The following TMEM132D variants were observed in gnomAD, a reference collection of about 807,000 sequenced individuals.
TMEM132D encodes mature OL transmembrane protein.
TMEM132D carries 21 observed loss-of-function variants against 62.3 expected under a neutral mutation model. The observed-to-expected ratio is 0.34, with a 90% CI of 0.24 to 0.49. The LOEUF is 0.49. Among genes scored for constraint, TMEM132D ranks in the 20% least tolerant of loss-of-function variants. The probability of loss-of-function intolerance (pLI) is 0.99; values close to 1 mark genes in which losing one functional copy is unlikely to be tolerated. For synonymous variants in TMEM132D, 621 were observed against 575.6 expected, an observed-to-expected ratio of 1.08 and a Z score of -1.13; for missense variants, 1,346 against 1,402.8, an observed-to-expected ratio of 0.96 and a Z score of 0.65.
chr12:129,458,099 A>G (rs1232216970), intron 3 of TMEM132D, among the ~76,000 whole-genome samples: 1 of 152,154 alleles, frequency 6.6e-6, no homozygotes, highest in Non-Finnish European at 1.5e-5. Context: ...GACACAAAGG[A>G]GACAGCTCCT....
At chr12:129,604,226 TA>T (rs1362671472) in intron 2 of TMEM132D, among the ~76,000 whole-genome samples, 1 of 152,022 alleles carries the variant, frequency 6.6e-6, no homozygotes, top group Non-Finnish European at 1.5e-5. Context: ...ACGTGAGGCT[TA>T]AAACCCAGAT....
intron 1 of TMEM132D, among the ~76,000 whole-genome samples, chr12:129,829,807 C>T (rs568740956): frequency 1.9e-4 from 29 of 152,212 alleles, no homozygotes; most frequent in Admixed American, 1.8e-3. Flanking sequence ...AAAGCCAAGA[C>T]AGCAAAAAAT....
chr12:129,543,856 T>C (rs989227135), intron 2 of TMEM132D, among the ~76,000 whole-genome samples: 6 of 152,260 alleles, frequency 3.9e-5, no homozygotes, highest in African/African-American at 1.4e-4. Flanking sequence ...CATTGTGTGC[T>C]AGTATCTGAG....
intron 3 of TMEM132D, among the ~76,000 whole-genome samples, chr12:129,432,167 A>ATGGT (rs1872674396): frequency 7.5e-6 from 1 of 132,586 alleles, no homozygotes; most frequent in Admixed American, 7.3e-5. Context: ...GCTTGGATGG[A>ATGGT]TGGATGGATG....
intron 4 of TMEM132D, among the ~76,000 whole-genome samples, chr12:129,229,408 C>T (rs1425891432): frequency 6.6e-6 from 1 of 152,168 alleles, no homozygotes; most frequent in Non-Finnish European, 1.5e-5. Flanking sequence ...CCATGAAACC[C>T]AGCATGAATA....
At chr12:129,853,841 A>G (rs931887420) in intron 1 of TMEM132D, 3 of 152,134 alleles carry the variant, frequency 2.0e-5, no homozygotes, top group Admixed American at 6.5e-5. Flanking sequence ...GGTTTGACTC[A>G]TAAGTTTACT....
intron 5 of TMEM132D, among the ~76,000 whole-genome samples, chr12:129,096,476 G>C (rs764869418): frequency 3.9e-5 from 6 of 152,132 alleles, no homozygotes; most frequent in Non-Finnish European, 7.4e-5. Flanking sequence ...GCAAAGACTG[G>C]GTGTTCAGGG....
chr12:129,787,694 A>G (rs1472922422), intron 1 of TMEM132D, among the ~76,000 whole-genome samples: 1 of 152,188 alleles, frequency 6.6e-6, no homozygotes, highest in Non-Finnish European at 1.5e-5. Context: ...TCCCTCCCAA[A>G]ATTTCATCAA....
intron 2 of TMEM132D, among the ~76,000 whole-genome samples, chr12:129,577,462 C>A (rs564426790): frequency 6.7e-6 from 1 of 149,344 alleles, no homozygotes; most frequent in Admixed American, 6.7e-5. Flanking sequence ...TAGAAATATT[C>A]AACACTGCAT....
chr12:129,332,452 G>A (rs117717650), intron 4 of TMEM132D, among the ~76,000 whole-genome samples: 3,169 of 152,250 alleles, frequency 0.021, 52 homozygotes, highest in Non-Finnish European at 0.031. Context: ...AGCTTTCCTG[G>A]AGATGAAATT....
intron 3 of TMEM132D, among the ~76,000 whole-genome samples, chr12:129,456,271 C>A (rs917645558): frequency 3.9e-5 from 6 of 152,054 alleles, no homozygotes; most frequent in Admixed American, 1.3e-4. Flanking sequence ...GAGCACAGTG[C>A]CAGGTACAGG....
At chr12:129,652,036 A>C (rs1401224080) in intron 2 of TMEM132D, among the ~76,000 whole-genome samples, 5 of 152,224 alleles carry the variant, frequency 3.3e-5, no homozygotes, top group Admixed American at 3.3e-4. Flanking sequence ...ACCTGTGAGA[A>C]CTAAAGCGAG....
chr12:129,862,766 T>C (rs1439716952), intron 1 of TMEM132D, among the ~76,000 whole-genome samples: 3 of 152,132 alleles, frequency 2.0e-5, no homozygotes, highest in African/African-American at 7.2e-5. Flanking sequence ...ACCCCCATGT[T>C]GGATAAAACC....
chr12:129,837,666 A>G (rs1000932804), intron 1 of TMEM132D, among the ~76,000 whole-genome samples: 1 of 152,196 alleles, frequency 6.6e-6, no homozygotes, highest in African/African-American at 2.4e-5. Context: ...GCTTGCTTTC[A>G]ATGTCTTCGA....
intron 1 of TMEM132D, among the ~76,000 whole-genome samples, chr12:129,796,667 G>A (rs10773708): frequency 0.57 from 86,617 of 151,948 alleles, 26,813 homozygotes; most frequent in Non-Finnish European, 0.71. Context: ...CTCATAAGGG[G>A]GAGTTCAACA....
chr12:129,530,988 A>AC, intron 3 of TMEM132D, 71 bp downstream of exon 3: 1 of 1,159,482 alleles, frequency 8.6e-7, no homozygotes, highest in Admixed American at 2.7e-5. Flanking sequence ...TTAGCAATCT[A>AC]GGAAAAAAAA....
Position 129,385,640 on chromosome 12 carries a change from ATCT to A in TMEM132D, c.1116-47826_1116-47824del, listed in dbSNP as rs150505929. ...AGAATTAGTTGAAAACACATATCAG[ATCT>A]TCTGTGTTCTGACAAGAGAGTAAGG... is the stretch of plus-strand genomic sequence containing the variant. On this transcript the variant is annotated intron_variant, in intron 3 of 8. Coordinates refer to ENST00000422113, the MANE Select transcript of TMEM132D (RefSeq NM_133448.3). Among the ~76,000 whole-genome samples, 514 of 152,302 alleles carry A rather than the reference ATCT, an allele frequency of 3.4e-3. 3 individuals are homozygous for A. Among genetic ancestry groups the A allele is most frequent in the African/African-American group, 0.012 (498 of 41,544 alleles).
chr12:129,702,164 C>A (rs1419613824), intron 1 of TMEM132D, among the ~76,000 whole-genome samples: 2 of 152,198 alleles, frequency 1.3e-5, no homozygotes, highest in Non-Finnish European at 2.9e-5. Context: ...ATGAAAAAAT[C>A]TCTCCAATCA....
intron 2 of TMEM132D, among the ~76,000 whole-genome samples, chr12:129,685,468 T>C (rs1156719821): frequency 2.0e-5 from 3 of 152,208 alleles, no homozygotes; most frequent in Admixed American, 6.5e-5. Flanking sequence ...AAGTCAAGAA[T>C]TGAGGTTTGG....
Sources: gnomAD v4.1 joint callset for allele counts (sites outside exome capture counted in the v4.1 genomes callset) on GRCh38, gnomAD v4.1.1 for gene constraint, MANE v1.5 for transcripts, NCBI Gene and HGNC (gene_info 2026-07-23, HGNC 2026-07-21) for gene names.